Variants in NEXMIF observed in about 807,000 individuals in gnomAD.
NEXMIF encodes the protein neurite extension and migration factor, also known as XLMR protein related to neurite extension.
NEXMIF carries 8 observed loss-of-function variants against 62.1 expected under a neutral mutation model. The observed-to-expected ratio is 0.13, with a 90% CI of 0.08 to 0.23. NEXMIF has a LOEUF of 0.23. Ranked by LOEUF, NEXMIF falls within the 10% of genes least tolerant of loss-of-function variation. The pLI is 1.00. For synonymous variants in NEXMIF, 404 were observed against 416.6 expected, an observed-to-expected ratio of 0.97 and a Z score of 0.37; for missense variants, 976 against 1,113.3, an observed-to-expected ratio of 0.88 and a Z score of 1.75.
chrX:74,825,517 G>A (rs745838924), intron 1 of NEXMIF, among the ~76,000 whole-genome samples: 5 of 111,873 alleles, frequency 4.5e-5, no homozygotes, highest in Non-Finnish European at 9.4e-5. Flanking sequence ...GTTTGGTAAG[G>A]ATAATGGCCT....
intron 1 of NEXMIF, among the ~76,000 whole-genome samples, chrX:74,892,971 A>G (rs1420840058): frequency 8.9e-6 from 1 of 112,258 alleles, no homozygotes; most frequent in Non-Finnish European, 1.9e-5. Context: ...GTATAGAAAA[A>G]GAAATGGGCA....
At chrX:74,762,408 G>A in intron 1 of NEXMIF, among the ~76,000 whole-genome samples, 1 of 111,338 alleles carries the variant, frequency 9.0e-6, no homozygotes, top group Admixed American at 9.6e-5. Context: ...ATTGTGAATA[G>A]TGCCACAATA....
intron 1 of NEXMIF, among the ~76,000 whole-genome samples, chrX:74,828,789 G>T (rs2798172): frequency 0.079 from 8,777 of 111,402 alleles, 845 homozygotes; most frequent in African/African-American, 0.27. Context: ...AAAAAGCAAA[G>T]AAAATTTCAT....
At chrX:74,763,392 A>C (rs2080183927) in intron 1 of NEXMIF, among the ~76,000 whole-genome samples, 1 of 111,773 alleles carries the variant, frequency 8.9e-6, no homozygotes, top group South Asian at 3.7e-4. Flanking sequence ...GTTTGAAGTC[A>C]GGTAGTGTGA....
chrX:74,829,891 T>A (rs1389252463), intron 1 of NEXMIF, among the ~76,000 whole-genome samples: 1 of 112,032 alleles, frequency 8.9e-6, no homozygotes, highest in African/African-American at 3.2e-5. Flanking sequence ...AGTTTTTAAA[T>A]CTGATTATTA....
chrX:74,777,397 T>C (rs955972183), intron 1 of NEXMIF, among the ~76,000 whole-genome samples: 1 of 111,919 alleles, frequency 8.9e-6, no homozygotes, highest in Non-Finnish European at 1.9e-5. Context: ...GTCAGGGTAA[T>C]TGAGATATCC....
chrX:74,871,646 G>T (rs903533019), intron 1 of NEXMIF, among the ~76,000 whole-genome samples: 2 of 110,954 alleles, frequency 1.8e-5, no homozygotes, highest in Non-Finnish European at 3.8e-5. Context: ...CTTCCTGAGG[G>T]TTACTCCATG....
intron 1 of NEXMIF, among the ~76,000 whole-genome samples, chrX:74,890,512 A>G (rs1413165945): frequency 9.0e-6 from 1 of 111,532 alleles, no homozygotes; most frequent in African/African-American, 3.3e-5. Flanking sequence ...AGAAACTCCA[A>G]TATTAAATAA....
chrX:74,866,763 T>C (rs909122494), intron 1 of NEXMIF, among the ~76,000 whole-genome samples: 5 of 112,753 alleles, frequency 4.4e-5, no homozygotes, highest in African/African-American at 1.6e-4. Context: ...CCCCTGAACA[T>C]GTGCTCTGGC....
chrX:74,843,935 T>C (rs1183471964), intron 1 of NEXMIF, among the ~76,000 whole-genome samples: 1 of 112,086 alleles, frequency 8.9e-6, no homozygotes, highest in African/African-American at 3.2e-5. Context: ...TTCCTTTCGA[T>C]ATTTAGTGCT....
At chrX:74,899,306 G>C (rs1479393728) in intron 1 of NEXMIF, among the ~76,000 whole-genome samples, 1 of 111,165 alleles carries the variant, frequency 9.0e-6, no homozygotes, top group Non-Finnish European at 1.9e-5. Context: ...CTGATGACAT[G>C]ATCTTATATA....
intron 1 of NEXMIF, among the ~76,000 whole-genome samples, chrX:74,885,278 G>A (rs1315071786): frequency 4.5e-5 from 5 of 111,420 alleles, no homozygotes; most frequent in East Asian, 2.8e-4. Flanking sequence ...CTAGCAGAAA[G>A]CAAGAAATAA....
At chrX:74,822,702 T>C (rs1390912793) in intron 1 of NEXMIF, among the ~76,000 whole-genome samples, 1 of 112,235 alleles carries the variant, frequency 8.9e-6, no homozygotes, top group African/African-American at 3.2e-5. Context: ...TACCACTTCA[T>C]ACCCACTATG....
At chrX:74,904,736 T>C (rs1372595837) in intron 1 of NEXMIF, among the ~76,000 whole-genome samples, 1 of 111,287 alleles carries the variant, frequency 9.0e-6, no homozygotes, top group African/African-American at 3.3e-5. Context: ...CGCTCTTTTT[T>C]TCCTTGGAAA....
intron 1 of NEXMIF, among the ~76,000 whole-genome samples, chrX:74,834,950 T>C (rs1287435295): frequency 8.9e-6 from 1 of 111,914 alleles, no homozygotes; most frequent in Non-Finnish European, 1.9e-5. Context: ...ATTTGCCCTG[T>C]TGAGGCTGTT....
intron 1 of NEXMIF, among the ~76,000 whole-genome samples, chrX:74,751,497 T>C (rs1198517514): frequency 9.1e-6 from 1 of 109,706 alleles, no homozygotes; most frequent in African/African-American, 3.3e-5. Context: ...TCTCTCTTTT[T>C]TTTTTTTTGA....
At chrX:74,831,135 CT>C (rs773022094) in intron 1 of NEXMIF, among the ~76,000 whole-genome samples, 6 of 109,187 alleles carry the variant, frequency 5.5e-5, no homozygotes, top group African/African-American at 1.7e-4. Context: ...GAAAGACTTT[CT>C]TTTTTTTTAT....
At chrX:74,778,419 TCCTC>T (rs1392587743) in intron 1 of NEXMIF, among the ~76,000 whole-genome samples, 1 of 110,882 alleles carries the variant, frequency 9.0e-6, no homozygotes, top group East Asian at 2.9e-4. Context: ...CTTTCTCCCT[TCCTC>T]CCTTCCTTCC....
At chrX:74,889,148 G>C (rs1016408050) in intron 1 of NEXMIF, among the ~76,000 whole-genome samples, 1 of 111,769 alleles carries the variant, frequency 8.9e-6, no homozygotes, top group Non-Finnish European at 1.9e-5. Flanking sequence ...AAAATTGAGA[G>C]GCAGAAATAA....
Sources: gnomAD v4.1 joint callset for allele counts (sites outside exome capture counted in the v4.1 genomes callset) on GRCh38, gnomAD v4.1.1 for gene constraint, MANE v1.5 for transcripts, NCBI Gene and HGNC (gene_info 2026-07-23, HGNC 2026-07-21) for gene names.